AHRR: variants seen among roughly 807,000 people sequenced by gnomAD.
AHRR encodes aryl hydrocarbon receptor repressor, also known as ahR repressor.
In AHRR, 28 loss-of-function variants were observed where a neutral mutation model predicts 44.0. The ratio of observed to expected loss-of-function variants is 0.64; its 90% CI spans 0.47 to 0.87. AHRR has a LOEUF of 0.87. AHRR is among the 40% of genes least tolerant of loss of function. AHRR has a pLI of 0.00. For missense variants in AHRR, 990 were observed against 953.9 expected (o/e 1.04, Z -0.50); for synonymous variants, 434 against 407.0 (o/e 1.07, Z -0.80).
chr5:322,663 G>A (rs1369784711), intron 1 of AHRR: 1 of 152,226 alleles, frequency 6.6e-6, no homozygotes, highest in Non-Finnish European at 1.5e-5. Context: ...GGACATCAAG[G>A]TAGGTCGCTC....
At chr5:350,063 C>T (rs1742808621) in intron 2 of AHRR, among the ~76,000 whole-genome samples, 1 of 152,128 alleles carries the variant, frequency 6.6e-6, no homozygotes, top group African/African-American at 2.4e-5. Flanking sequence ...ATGTAGGTCC[C>T]CAGCTGTGCC....
At chr5:367,701 C>G in intron 3 of AHRR, 1 of 617,854 alleles carries the variant, frequency 1.6e-6, no homozygotes, top group Non-Finnish European at 2.9e-6. Flanking sequence ...ACATCACAGC[C>G]TCTGCCCCTC....
At position 411,234 on chromosome 5, in the gene AHRR, A is replaced by G. The variant is rs912835334; in HGVS notation, c.352-2110A>G. Among the ~76,000 whole-genome samples the G allele has an allele frequency of 1.3e-5, 2 of 151,954 alleles. No homozygotes were observed. Among genetic ancestry groups the G allele is most frequent in the Non-Finnish European group, 2.9e-5 (2 of 68,004 alleles). On this transcript the variant is annotated intron_variant, in intron 4 of 10. Transcript: ENST00000684583. The surrounding 1 kb of genome is among the most constrained non-coding windows in gnomAD (Gnocchi z 4.2). ...CTCCAGTTTCTTGAGGAGGGACTAC[A>G]TACATACTTTTGAAACAGTCATTTT...
chr5:331,266 G>T (rs1741902121), intron 1 of AHRR, among the ~76,000 whole-genome samples: 1 of 152,028 alleles, frequency 6.6e-6, no homozygotes, highest in African/African-American at 2.4e-5. Flanking sequence ...ATTTATTCCT[G>T]GTTCAGTCTT....
chr5:348,879 C>T (rs1273833308), intron 2 of AHRR, among the ~76,000 whole-genome samples: 1 of 152,218 alleles, frequency 6.6e-6, no homozygotes, highest in African/African-American at 2.4e-5. Context: ...GGTGACACAG[C>T]AGGTGCACGT....
At chr5:422,671 ATAAAGTGTC>A in intron 5 of AHRR, 49 bp from the exon 6 acceptor site, 1 of 1,612,270 alleles carries the variant, frequency 6.2e-7, no homozygotes. Context: ...CGTCGGTGGA[ATAAAGTGTC>A]TAAAGCCACT....
At chr5:371,312 G>A (rs1743573761) in intron 3 of AHRR, among the ~76,000 whole-genome samples, 1 of 152,234 alleles carries the variant, frequency 6.6e-6, no homozygotes, top group African/African-American at 2.4e-5. Context: ...GCAGCACCCA[G>A]TGCTGCAGGT....
At position 404,448 on chromosome 5, in the gene AHRR, G is replaced by A. The variant is rs1735170301; in HGVS notation, c.352-8896G>A. The A allele has an allele frequency of 1.9e-6, 1 of 531,684 alleles. No homozygotes were observed. Among genetic ancestry groups the A allele is most frequent in the Admixed American group, 2.0e-5 (1 of 49,236 alleles). The allele number at this position is 531,684 out of a possible 1,614,324, so 32.9% of individuals were successfully genotyped here. ...AGAAGCAACAGGGGACCACTGTGCT[G>A]GTGCTGTCGTGCACGGTGTGTTCAC... On this transcript the variant is annotated intron_variant, in intron 4 of 10. Coordinates refer to ENST00000684583, the MANE Select transcript of AHRR (RefSeq NM_001377236.1). The surrounding 1 kb of genome is among the most constrained non-coding windows in gnomAD (Gnocchi z 4.1).
At chr5:372,780 T>C (rs115308997) in intron 3 of AHRR, among the ~76,000 whole-genome samples, 13,857 of 152,260 alleles carry the variant, frequency 0.091, 883 homozygotes, top group Non-Finnish European at 0.12. Flanking sequence ...CAGCTGGACC[T>C]GCCTTCTGGC....
chr5:373,971 G>T (rs938629897), intron 3 of AHRR, among the ~76,000 whole-genome samples: 2 of 151,868 alleles, frequency 1.3e-5, no homozygotes, highest in South Asian at 4.1e-4. Flanking sequence ...CGCGATGCCG[G>T]GAGGGGCGCG....
intron 7 of AHRR, chr5:427,572 C>A: frequency 1.3e-6 from 2 of 1,592,712 alleles, no homozygotes; most frequent in Admixed American, 1.7e-5. Flanking sequence ...GTCGCCGCGG[C>A]TCCAGAGAAA....
chr5:332,129 AT>A (rs1642480961), intron 1 of AHRR, among the ~76,000 whole-genome samples: 1 of 151,900 alleles, frequency 6.6e-6, no homozygotes, highest in Admixed American at 6.6e-5. Context: ...CTTGGTATTT[AT>A]TTATGATTTT....
chr5:367,656 C>T (rs752181582), intron 3 of AHRR, among the ~76,000 whole-genome samples: 5 of 152,216 alleles, frequency 3.3e-5, no homozygotes, highest in Non-Finnish European at 5.9e-5. Context: ...CTCTTGTCTT[C>T]ACCCCTCAGG....
chr5:345,079 T>TGGGGAGAG (rs755125228), intron 2 of AHRR, among the ~76,000 whole-genome samples: 1 of 41,738 alleles, frequency 2.4e-5, no homozygotes, highest in Non-Finnish European at 4.7e-5. Context: ...GATGTGTGTG[T>TGGGGAGAG]GTGTGTGTGT....
intron 4 of AHRR, among the ~76,000 whole-genome samples, chr5:402,396 G>A (rs556493893): frequency 4.6e-4 from 65 of 142,232 alleles, no homozygotes; most frequent in African/African-American, 1.4e-3. Flanking sequence ...CACTGTTGGC[G>A]GGAAGGCAGT....
intron 4 of AHRR, among the ~76,000 whole-genome samples, chr5:400,205 T>C (rs535876385): frequency 2.4e-4 from 36 of 152,364 alleles, no homozygotes; most frequent in African/African-American, 7.7e-4. Context: ...CCCTCTGCCA[T>C]GACCTTGACA....
At chr5:327,096 C>T (rs535674845) in intron 1 of AHRR, among the ~76,000 whole-genome samples, 74 of 152,180 alleles carry the variant, frequency 4.9e-4, no homozygotes, top group African/African-American at 1.7e-3. Flanking sequence ...CCATCCTAGT[C>T]GTATAAATGG....
chr5:400,058 C>T (rs1378191251), intron 4 of AHRR, among the ~76,000 whole-genome samples: 2 of 152,034 alleles, frequency 1.3e-5, no homozygotes, highest in African/African-American at 2.4e-5. Context: ...GGTGCCCGCT[C>T]GCGTGACTAG....
At chr5:398,178 G>A (rs1301620873) in intron 4 of AHRR, among the ~76,000 whole-genome samples, 6 of 116,836 alleles carry the variant, frequency 5.1e-5, no homozygotes, top group South Asian at 2.5e-4. Flanking sequence ...GACCATCCAC[G>A]TAGCTCCTGA....
Sources: allele counts gnomAD v4.1 joint callset (sites outside exome capture counted in the v4.1 genomes callset), GRCh38; gene constraint gnomAD v4.1.1; non-coding constraint Gnocchi (gnomAD v3.1); transcripts MANE v1.5; gene names NCBI Gene and HGNC (gene_info 2026-07-23, HGNC 2026-07-21).